OR52K1: variants seen among roughly 807,000 people sequenced by gnomAD.
OR52K1 encodes the protein olfactory receptor family 52 subfamily K member 1, also known as olfactory receptor 52K1.
A neutral mutation model predicts 8.7 loss-of-function variants in OR52K1; 10 were observed. The observed-to-expected ratio is 1.15, with a 90% CI of 0.71 to 1.95. The LOEUF is 1.95. OR52K1 is among the 30% of genes most tolerant of loss of function. The pLI is 0.00. For synonymous variants in OR52K1, 203 were observed against 148.5 expected, an observed-to-expected ratio of 1.37 and a Z score of -2.67; for missense variants, 431 against 397.2, an observed-to-expected ratio of 1.08 and a Z score of -0.72.
chr11:4,493,003 CA>C lies in OR52K1; in HGVS notation c.*3159del, dbSNP rs1168323555. 1 of 154,530 alleles carries C rather than the reference CA, an allele frequency of 6.5e-6. No individual in the cohort carries two copies. 9.6% of individuals were successfully genotyped at this position (154,530 alleles called of 1,614,324 possible). ...TCACATAAGTCACGTGTCCACTGGA[CA>C]GGGGGCCCTTCCCTGTTTGGCAGCC... On this transcript the variant is annotated 3_prime_UTR_variant, in exon 2 of 2. Transcript: ENST00000641528.
chr11:4,488,703 G>A lies in OR52K1; in HGVS notation c.-198G>A, dbSNP rs751439770. On this transcript the variant is annotated 5_prime_UTR_variant, in exon 2 of 2. Coordinates refer to ENST00000641528, the MANE Select transcript of OR52K1 (RefSeq NM_001005171.3). ...CTCAATGAGATTCAAATTTCTTTGAGGGTAGAAAATATGGATTATACTTCT... is the reference window on the plus strand; with the variant it reads ...CTCAATGAGATTCAAATTTCTTTGAAGGTAGAAAATATGGATTATACTTCT... 3 of 561,166 alleles carry A rather than the reference G, an allele frequency of 5.3e-6. No individual in the cohort carries two copies. Among genetic ancestry groups the A allele is most frequent in the Non-Finnish European group, 6.3e-6 (2 of 318,178 alleles). The allele number at this position is 561,166 out of a possible 1,614,324, so 34.8% of individuals were successfully genotyped here.
At position 4,490,709 on chromosome 11, in the gene OR52K1, A is replaced by G. The variant is rs1846367234; in HGVS notation, c.*864A>G. 6.6e-6 allele frequency: 1 copy of G among 152,186 alleles called. No homozygotes were observed. Among genetic ancestry groups the G allele is most frequent in the Non-Finnish European group, 1.5e-5 (1 of 68,028 alleles). 9.4% of individuals were successfully genotyped at this position (152,186 alleles called of 1,614,324 possible). On this transcript the variant is annotated 3_prime_UTR_variant, in exon 2 of 2. Transcript: ENST00000641528. ...AGTTTTGGTCAGTAATGGATCACCT[A>G]TATGATGGTGATTGCATAACATTAT...
Position 4,489,299 on chromosome 11 carries a change from C to G in OR52K1, c.399C>G (p.His133Gln), listed in dbSNP as rs763402416. 7.4e-6 allele frequency: 12 copies of G among 1,614,128 alleles called. No homozygotes were observed. In the East Asian group the frequency reaches 2.2e-4, roughly 30 times the overall value. The change falls in exon 2 of 2, where the codon CAC becomes CAG. Residue 133 changes from histidine to glutamine, a missense_variant. Coordinates refer to ENST00000641528, the MANE Select transcript of OR52K1 (RefSeq NM_001005171.3). Reference protein sequence around the residue: ...DRYVAICKPLHYTTVLTGSLI... With the variant: ...DRYVAICKPLQYTTVLTGSLI... ...ATGTGGCCATCTGCAAGCCATTGCA[C>G]TACACGACGGTCCTGACTGGGTCCC...
rs1442756888 is a variant in OR52K1, at chr11:4,491,378, T to A, written c.*1533T>A. 1 of 152,224 alleles carries A rather than the reference T, an allele frequency of 6.6e-6. No individual in the cohort carries two copies. Among genetic ancestry groups the A allele is most frequent in the Non-Finnish European group, 1.5e-5 (1 of 68,046 alleles). The allele number at this position is 152,224 out of a possible 1,614,324, so 9.4% of individuals were successfully genotyped here. On this transcript the variant is annotated 3_prime_UTR_variant, in exon 2 of 2. Coordinates refer to ENST00000641528, the MANE Select transcript of OR52K1 (RefSeq NM_001005171.3). ...CCCATTATGGAAAGCAGTAGGTGAT[T>A]CCTCAAAGACCTAAAAACAGAAATA...
intron 1 of OR52K1, among the ~76,000 whole-genome samples, chr11:4,487,175 A>G (rs331508): frequency 0.36 from 54,105 of 151,992 alleles, 10,375 homozygotes; most frequent in African/African-American, 0.5. Context: ...TACATGTTTC[A>G]CTGTAAAGAA....
At position 4,492,883 on chromosome 11, in the gene OR52K1, AG is replaced by A. The variant is rs1846390738; in HGVS notation, c.*3039del. On this transcript the variant is annotated 3_prime_UTR_variant, in exon 2 of 2. Transcript: ENST00000641528. ...GTACCACCAAGATGCAGAGACCGGT[AG>A]TGGCCCCGAATGCCTGGCTGCACTG... 5.1e-6 allele frequency: 1 copy of A among 195,116 alleles called. No homozygotes were observed. Among genetic ancestry groups the A allele is most frequent in the Non-Finnish European group, 1.0e-5 (1 of 99,552 alleles). The allele number at this position is 195,116 out of a possible 1,614,324, so 12.1% of individuals were successfully genotyped here.
chr11:4,489,119 G>C lies in OR52K1; in HGVS notation c.219G>C (p.Leu73Phe). 5 of 1,614,194 alleles carry C rather than the reference G, an allele frequency of 3.1e-6. No homozygotes were observed. Among genetic ancestry groups the C allele is most frequent in the Non-Finnish European group, 4.2e-6 (5 of 1,180,042 alleles). ...LFLAMLATID[L>F]VLSSTTLPKM... The stretch of plus-strand genomic sequence containing the variant: ...TGGCCATGTTGGCAACCATTGACTT[G>C]GTTCTTTCTTCTACAACGCTGCCCA... Residue 73 changes from leucine to phenylalanine, a missense_variant, in exon 2 of 2, where the codon TTG becomes TTC. Leu to Phe is a conservative substitution (Grantham distance 22). Coordinates refer to ENST00000641528, the MANE Select transcript of OR52K1 (RefSeq NM_001005171.3).
In OR52K1 at chr11:4,483,062, A is replaced by C; in HGVS notation, c.-443A>C. The C allele has an allele frequency of 2.5e-6, 1 of 398,128 alleles. No homozygotes were observed. Among genetic ancestry groups the C allele is most frequent in the Non-Finnish European group, 4.4e-6 (1 of 225,858 alleles). The allele number at this position is 398,128 out of a possible 1,614,324, so 24.7% of individuals were successfully genotyped here. A position where few individuals can be genotyped will look rare whatever the true frequency, so the allele number is the denominator to read the frequency against. ...TTCCAGTTTGGATCTGTCACTTCTCACCTCCTGTCATTGCTTTTTCTAACC... is the reference window on the plus strand; with the variant it reads ...TTCCAGTTTGGATCTGTCACTTCTCCCCTCCTGTCATTGCTTTTTCTAACC... On this transcript the variant is annotated 5_prime_UTR_variant, in exon 1 of 2. Coordinates refer to ENST00000641528, the MANE Select transcript of OR52K1 (RefSeq NM_001005171.3).
rs772046355 is a variant in OR52K1 at position 4,485,234 on chromosome 11, C to G, written c.-329+2058C>G. Among the ~76,000 whole-genome samples the G allele has an allele frequency of 9.9e-5, 15 of 152,176 alleles. No individual in the cohort carries two copies. The South Asian group carries it at 1.7e-3, about 17-fold the overall frequency. On this transcript the variant is annotated intron_variant, in intron 1 of 1. Coordinates refer to ENST00000641528, the MANE Select transcript of OR52K1 (RefSeq NM_001005171.3). ...CTGTCAGTTTCCCTTGCGAATATCT[C>G]AGTGTGCTCCAACTCTTCTCCCATC...
chr11:4,483,312 A>G, intron 1 of OR52K1, 136 bp downstream of exon 1: 1 of 396,560 alleles, frequency 2.5e-6, no homozygotes, highest in Non-Finnish European at 4.4e-6. Context: ...ATAAAGGTAT[A>G]GGCAACCAAA....
intron 1 of OR52K1, among the ~76,000 whole-genome samples, chr11:4,488,310 T>G (rs1846336903): frequency 6.6e-6 from 1 of 152,234 alleles, no homozygotes; most frequent in African/African-American, 2.4e-5. Context: ...TGAAATTTAT[T>G]AAGTATAAAT....
rs1439913190 is a variant in OR52K1 at position 4,492,227 on chromosome 11, C to T, written c.*2382C>T. The T allele has an allele frequency of 6.6e-6, 1 of 151,960 alleles. No homozygotes were observed. Among genetic ancestry groups the T allele is most frequent in the Non-Finnish European group, 1.5e-5 (1 of 67,994 alleles). The allele number at this position is 151,960 out of a possible 1,614,324, so 9.4% of individuals were successfully genotyped here. Reference sequence around the variant, plus strand: ...GGCTGTGACAAAGCCAAAGTCCACCCACAATGAGTAAGAAGTGTAAATGAG... The same window carrying T: ...GGCTGTGACAAAGCCAAAGTCCACCTACAATGAGTAAGAAGTGTAAATGAG... On this transcript the variant is annotated 3_prime_UTR_variant, in exon 2 of 2. Transcript: ENST00000641528.
Position 4,490,394 on chromosome 11 carries a change from T to A in OR52K1, c.*549T>A, listed in dbSNP as rs1846364746. The A allele has an allele frequency of 6.5e-6, 1 of 153,326 alleles. No individual in the cohort carries two copies. The highest frequency in any genetic ancestry group is 1.5e-5 in the Non-Finnish European group (1 of 68,824). The allele number at this position is 153,326 out of a possible 1,614,324, so 9.5% of individuals were successfully genotyped here. A position where few individuals can be genotyped will look rare whatever the true frequency, so the allele number is the denominator to read the frequency against. ...AAGTAGATCTATTTCTTCCATTAAG[T>A]CAATTCCTCTTTTACTTCCTTCCTG... On this transcript the variant is annotated 3_prime_UTR_variant, in exon 2 of 2. Transcript: ENST00000641528.
At chr11:4,485,434 G>A (rs567823338) in intron 1 of OR52K1, among the ~76,000 whole-genome samples, 19 of 152,202 alleles carry the variant, frequency 1.2e-4, no homozygotes, top group African/African-American at 4.3e-4. Flanking sequence ...AAAAATTGAA[G>A]TCTCGAGCTC....
chr11:4,483,929 G>A (rs930279852), intron 1 of OR52K1, among the ~76,000 whole-genome samples: 2 of 152,126 alleles, frequency 1.3e-5, no homozygotes, highest in African/African-American at 4.8e-5. Flanking sequence ...ATTTAAAATA[G>A]TATTTTCCAT....
At position 4,491,416 on chromosome 11, in the gene OR52K1, G is replaced by GTGA. The variant is rs1684610373; in HGVS notation, c.*1573_*1575dup. 1 of 152,200 alleles carries GTGA rather than the reference G, an allele frequency of 6.6e-6. No individual in the cohort carries two copies. The highest frequency in any genetic ancestry group is 2.1e-4 in the South Asian group (1 of 4,832). 9.4% of individuals were successfully genotyped at this position (152,200 alleles called of 1,614,324 possible). A position where few individuals can be genotyped will look rare whatever the true frequency, so the allele number is the denominator to read the frequency against. ...AAAAACAGAAATACCATTTGACTGA[G>GTGA]TGATCCTTTAGTGGGTATGTACCCA... On this transcript the variant is annotated 3_prime_UTR_variant, in exon 2 of 2. Coordinates refer to ENST00000641528, the MANE Select transcript of OR52K1 (RefSeq NM_001005171.3).
intron 1 of OR52K1, among the ~76,000 whole-genome samples, chr11:4,488,290 T>A (rs1361545164): frequency 6.6e-6 from 1 of 152,244 alleles, no homozygotes; most frequent in East Asian, 1.9e-4. Flanking sequence ...AAAAGTATTT[T>A]GTATAAATGT....
intron 1 of OR52K1, among the ~76,000 whole-genome samples, chr11:4,486,132 T>C (rs1322123395): frequency 6.6e-6 from 1 of 152,236 alleles, no homozygotes; most frequent in African/African-American, 2.4e-5. Context: ...CTTACTCAGC[T>C]GTATCCCACC....
Position 4,489,833 on chromosome 11 carries a change from A to G in OR52K1, c.933A>G (p.Arg311=), listed in dbSNP as rs561653051. Residue 311 remains arginine (R), a synonymous_variant, in exon 2 of 2, where the codon AGA becomes AGG. Coordinates refer to ENST00000641528, the MANE Select transcript of OR52K1 (RefSeq NM_001005171.3). The stretch of plus-strand genomic sequence containing the variant: ...AGTATGTGCTCAGTCTATTCCAGAG[A>G]AAGAACATGTAGATGGATAGTTCTC... The part of the protein sequence containing the change: ...IREYVLSLFQ[R]KNM 1.5e-5 allele frequency: 24 copies of G among 1,602,898 alleles called. No individual in the cohort carries two copies. The South Asian group carries it at 1.7e-4, about 11-fold the overall frequency.
Sources: gnomAD v4.1 joint callset for allele counts (sites outside exome capture counted in the v4.1 genomes callset) on GRCh38, gnomAD v4.1.1 for gene constraint, MANE v1.5 for transcripts, NCBI Gene and HGNC (gene_info 2026-07-23, HGNC 2026-07-21) for gene names.